Variants in FHL2 observed in about 807,000 individuals in gnomAD.
FHL2 encodes the protein four and a half LIM domains 2, also known as four and a half LIM domains protein 2.
Under a neutral mutation model 32.7 loss-of-function variants are expected in FHL2, and 20 were observed. That is an observed-to-expected ratio of 0.61 (90% confidence interval 0.43 to 0.89). The LOEUF is 0.89. Among genes scored for constraint, FHL2 ranks in the 40% least tolerant of loss-of-function variants. The probability of loss-of-function intolerance (pLI) is 0.00; values close to 1 mark genes in which losing one functional copy is unlikely to be tolerated. For synonymous variants in FHL2, 123 were observed against 128.1 expected (o/e 0.96, Z 0.27); for missense variants, 311 against 358.6 (o/e 0.87, Z 1.07).
Position 105,361,096 on chromosome 2 carries a change from C to A in FHL2, c.*187G>T. On this transcript the variant is annotated 3_prime_UTR_variant, in exon 7 of 7. Transcript: ENST00000530340. The stretch of plus-strand genomic sequence containing the variant: ...CCACCTAGGGCCTAGGGCGAGTTTT[C>A]TCTTTCCCTGGGACTGAACTATCAC... 1 of 511,472 alleles carries A rather than the reference C, an allele frequency of 2.0e-6. No homozygotes were observed. The highest frequency in any genetic ancestry group is 4.2e-5 in the South Asian group (1 of 23,618). The allele number at this position is 511,472 out of a possible 1,614,324, so 31.7% of individuals were successfully genotyped here. A position where few individuals can be genotyped will look rare whatever the true frequency, so the allele number is the denominator to read the frequency against.
chr2:105,399,695 A>C, upstream of FHL2: 2 of 1,409,992 alleles, frequency 1.4e-6, no homozygotes, highest in Non-Finnish European at 1.9e-6. Flanking sequence ...CCCACATTCC[A>C]AGCCCGGGCC....
intron 3 of FHL2, among the ~76,000 whole-genome samples, chr2:105,383,082 C>T (rs1456741569): frequency 3.3e-5 from 5 of 152,130 alleles, no homozygotes; most frequent in Admixed American, 1.3e-4. Flanking sequence ...GACGGGGTTT[C>T]GCCATGTTGG....
At chr2:105,402,003 A>C (rs757281133), upstream of FHL2, among the ~76,000 whole-genome samples, 2 of 150,858 alleles carry the variant, frequency 1.3e-5, no homozygotes, top group East Asian at 3.9e-4. Flanking sequence ...ATATACACGA[A>C]TATATACATA....
chr2:105,399,077 G>A (rs1683353120), upstream of FHL2: 25 of 1,488,252 alleles, frequency 1.7e-5, no homozygotes, highest in Non-Finnish European at 2.1e-5. Context: ...TCCCGCCCTC[G>A]AGAAACCCCG....
upstream of FHL2, among the ~76,000 whole-genome samples, chr2:105,400,597 A>C (rs1683427002): frequency 1.3e-5 from 2 of 152,126 alleles, no homozygotes; most frequent in Admixed American, 1.3e-4. Context: ...GGTGAGTCTT[A>C]AGCTTCAGTT....
chr2:105,397,050 GT>G (rs57417657), intron 1 of FHL2: 12,697 of 191,392 alleles, frequency 0.066, 700 homozygotes, highest in African/African-American at 0.15. Flanking sequence ...TCTATTGGGC[GT>G]TTTTGACTGC....
At chr2:105,399,125 G>T (rs1289474783), upstream of FHL2, 4 of 1,401,070 alleles carry the variant, frequency 2.9e-6, no homozygotes, top group Non-Finnish European at 2.8e-6. Context: ...GCACGCCTCG[G>T]CTCGCTGGCA....
intron 1 of FHL2, among the ~76,000 whole-genome samples, chr2:105,425,170 T>C (rs556667606): frequency 6.6e-5 from 10 of 152,216 alleles, no homozygotes; most frequent in African/African-American, 1.7e-4. Flanking sequence ...CCCAGCCACT[T>C]TGCCTCAGCC....
chr2:105,380,639 C>G, intron 3 of FHL2, among the ~76,000 whole-genome samples: 1 of 152,154 alleles, frequency 6.6e-6, no homozygotes, highest in Non-Finnish European at 1.5e-5. Context: ...TTGTGAACAG[C>G]AAACATGAGT....
At chr2:105,368,571 A>G (rs187964376) in intron 4 of FHL2, among the ~76,000 whole-genome samples, 2 of 152,284 alleles carry the variant, frequency 1.3e-5, no homozygotes, top group South Asian at 2.1e-4. Context: ...TTGAATAACT[A>G]TTAGCATTTG....
At position 105,363,402 on chromosome 2, in the gene FHL2, A is replaced by C; in HGVS notation, c.571T>G (p.Cys191Gly). The C allele has an allele frequency of 6.2e-7, 1 of 1,613,748 alleles. No individual in the cohort carries two copies. The highest frequency in any genetic ancestry group is 8.5e-7 in the Non-Finnish European group (1 of 1,179,888). The change falls in exon 6 of 7, where the codon TGC becomes GGC. Residue 191 changes from cysteine to glycine, a missense_variant. By Grantham distance (159) the Cys-to-Gly change is radical (BLOSUM62 -3). Transcript: ENST00000530340. ...WHKECFVCTA[C>G]RKQLSGQRFT... ...CGCTGCCCAGACAGCTGCTTCCTGCAGGCGGTGCACACGAAGCACTCCTTG... is the reference window on the plus strand; with the variant it reads ...CGCTGCCCAGACAGCTGCTTCCTGCCGGCGGTGCACACGAAGCACTCCTTG...
At chr2:105,403,086 C>T (rs1287230508), upstream of FHL2, among the ~76,000 whole-genome samples, 7 of 152,170 alleles carry the variant, frequency 4.6e-5, no homozygotes, top group East Asian at 1.9e-4. Context: ...GAAATTGTGG[C>T]GAAGGTCTTT....
rs58002454 is a variant in FHL2 at position 105,432,361 on chromosome 2, C to G, written c.-25+6038G>C. 6.7e-3 allele frequency among the ~76,000 whole-genome samples: 1,025 copies of G among 152,272 alleles called. 9 individuals are homozygous for G. Among genetic ancestry groups the G allele is most frequent in the African/African-American group, 0.023 (935 of 41,548 alleles). On this transcript the variant is annotated intron_variant, in intron 1 of 5. Transcript: ENST00000393352. ...GCTATTATTTTTTCTCTGAACCTAA[C>G]TGATTTGACTGTCTTGTTTGACCTC... is the stretch of plus-strand genomic sequence containing the variant.
chr2:105,395,230 C>T (rs1052356515), intron 2 of FHL2, among the ~76,000 whole-genome samples: 2 of 152,252 alleles, frequency 1.3e-5, no homozygotes, highest in Non-Finnish European at 2.9e-5. Context: ...TGCAGGACAA[C>T]CATAGCTGCA....
chr2:105,421,615 G>T (rs1362913616), intron 1 of FHL2, among the ~76,000 whole-genome samples: 1 of 152,170 alleles, frequency 6.6e-6, no homozygotes, highest in Non-Finnish European at 1.5e-5. Flanking sequence ...AATACTGTCT[G>T]CAGTTTAACA....
chr2:105,386,323 G>C (rs746955991), intron 3 of FHL2, 38 bp downstream of exon 3: 4 of 1,605,392 alleles, frequency 2.5e-6, no homozygotes, highest in South Asian at 1.1e-5. Context: ...TGTTTCCTAG[G>C]GGAGCGCCGG....
At chr2:105,404,742 TC>T (rs1291810434) in intron 1 of FHL2, among the ~76,000 whole-genome samples, 9 of 152,344 alleles carry the variant, frequency 5.9e-5, no homozygotes, top group African/African-American at 2.2e-4. Flanking sequence ...CCTTTTCTTC[TC>T]CCTTCTGCCA....
At position 105,363,444 on chromosome 2, in the gene FHL2, G is replaced by A. The variant is rs763291334; in HGVS notation, c.529C>T (p.Arg177Trp). Residue 177 changes from arginine (R) to tryptophan (W), a missense_variant, in exon 6 of 7, where the codon CGG (arginine) becomes TGG (tryptophan). Coordinates refer to ENST00000530340, the MANE Select transcript of FHL2 (RefSeq NM_001318895.3). Reference protein sequence around the residue: ...KPITTGGVTYREQPWHKECFV... With the variant: ...KPITTGGVTYWEQPWHKECFV... ...CACTCCTTGTGCCAGGGCTGCTCCC[G>A]GTAAGTGACCCCTCCCGTGGTGATG... The A allele has an allele frequency of 2.5e-5, 40 of 1,611,096 alleles. No individual in the cohort carries two copies. Among genetic ancestry groups the A allele is most frequent in the South Asian group, 8.9e-5 (8 of 90,384 alleles).
At chr2:105,402,423 A>G (rs919179237), upstream of FHL2, among the ~76,000 whole-genome samples, 23 of 151,822 alleles carry the variant, frequency 1.5e-4, no homozygotes, top group Non-Finnish European at 3.1e-4. Flanking sequence ...ATTTTTTATA[A>G]TTTTAGTAGA....
Sources: gnomAD v4.1 joint callset for allele counts (sites outside exome capture counted in the v4.1 genomes callset) on GRCh38, gnomAD v4.1.1 for gene constraint, MANE v1.5 for transcripts, NCBI Gene and HGNC (gene_info 2026-07-23, HGNC 2026-07-21) for gene names.